DEAF1: variants seen among roughly 807,000 people sequenced by gnomAD.
DEAF1 encodes DEAF1 transcription factor.
DEAF1 carries 53 observed loss-of-function variants against 58.9 expected under a neutral mutation model. The observed-to-expected ratio is 0.90, with a 90% CI of 0.72 to 1.13. The LOEUF (loss-of-function observed/expected upper bound fraction) is 1.13, where lower values mean the gene tolerates loss of function less well. DEAF1 is among the 50% of genes most tolerant of loss of function. The pLI is 0.00. For missense variants in DEAF1, 685 were observed against 791.4 expected (o/e 0.87, Z 1.61); for synonymous variants, 385 against 340.4 (o/e 1.13, Z -1.44).
Position 674,631 on chromosome 11 carries a change from G to T in DEAF1, c.1408C>A (p.Leu470Met), listed in dbSNP as rs1423860960. ...VNSLLNTAQQ[L>M]KTLFEQAKHA... ...TTGGCTTGCTCAAACAGCGTCTTCA[G>T]CTGCTGCGCTGTGTTGAGCAAGGAG... The change falls in exon 10 of 12, where the codon CTG (leucine) becomes ATG (methionine). Residue 470 changes from leucine (L) to methionine (M), a missense_variant. Physicochemically the swap from Leu to Met is conservative, Grantham distance 15 (BLOSUM62 2). Coordinates refer to ENST00000382409, the MANE Select transcript of DEAF1 (RefSeq NM_021008.4). 1 of 1,614,052 alleles carries T rather than the reference G, an allele frequency of 6.2e-7. No homozygotes were observed. The highest frequency in any genetic ancestry group is 1.3e-5 in the African/African-American group (1 of 74,944).
intron 10 of DEAF1, among the ~76,000 whole-genome samples, chr11:660,165 C>T (rs1427212980): frequency 1.3e-5 from 2 of 152,160 alleles, no homozygotes; most frequent in Non-Finnish European, 2.9e-5. Context: ...GAGGAAGCAA[C>T]GGAAATAAGA....
chr11:686,727 C>G (rs1860609034), intron 5 of DEAF1, 131 bp downstream of exon 5: 2 of 1,245,236 alleles, frequency 1.6e-6, no homozygotes, highest in South Asian at 1.3e-5. Context: ...CAAGGCCACA[C>G]AGACAGCAGG....
intron 1 of DEAF1, chr11:704,448 C>T (rs1310763715): frequency 8.5e-6 from 11 of 1,289,170 alleles, no homozygotes; most frequent in African/African-American, 1.5e-5. Context: ...CCAGTGGCCA[C>T]GGTGAGCTGC....
chr11:694,208 C>T, intron 1 of DEAF1, among the ~76,000 whole-genome samples: 1 of 150,528 alleles, frequency 6.6e-6, no homozygotes, highest in East Asian at 1.9e-4. Context: ...GGCGGGGCTG[C>T]CACAAAGAAA....
At chr11:706,788 G>A (rs1369177974) in exon 1 of DEAF1, 2 of 152,746 alleles carry the variant, frequency 1.3e-5, no homozygotes, top group Non-Finnish European at 2.9e-5. Context: ...CAGTGGCCGG[G>A]AAGCACCAGC....
rs1182022709 is a variant in DEAF1 at position 654,142 on chromosome 11, C to T, written c.1504-91G>A. On this transcript the variant is annotated intron_variant, in intron 10 of 11. Coordinates refer to ENST00000382409, the MANE Select transcript of DEAF1 (RefSeq NM_021008.4). ...CAGAGGCAGGTGCAGGCAGGAGGCC[C>T]CAAGTTCCCCCCATTGGACCCCCTT... 5.3e-6 allele frequency: 5 copies of T among 944,732 alleles called. No individual in the cohort carries two copies. In the African/African-American group the frequency reaches 6.7e-5, roughly 13 times the overall value. 58.5% of individuals were successfully genotyped at this position (944,732 alleles called of 1,614,324 possible).
At chr11:693,986 C>A (rs1350694811) in intron 1 of DEAF1, among the ~76,000 whole-genome samples, 2 of 152,202 alleles carry the variant, frequency 1.3e-5, no homozygotes, top group Non-Finnish European at 2.9e-5. Context: ...CACCACACAG[C>A]CACGCTGACC....
At chr11:683,937 C>A (rs540070355) in intron 6 of DEAF1, among the ~76,000 whole-genome samples, 3 of 152,160 alleles carry the variant, frequency 2.0e-5, no homozygotes, top group East Asian at 1.9e-4. Flanking sequence ...CGTCTCCTCC[C>A]GGCTCCTTTA....
intron 10 of DEAF1, among the ~76,000 whole-genome samples, chr11:657,373 C>T (rs1004665917): frequency 6.6e-6 from 1 of 152,106 alleles, no homozygotes. Flanking sequence ...ACCCAGGAGC[C>T]GACGGCAGGA....
rs1858407114 is a variant in DEAF1, at chr11:644,842, T to A, written c.1594-188A>T. ...TGCTCCAATACAGCCTTCCCCACAC[T>A]CTCTTGGTTTGAGGAATTGGATCAA... On this transcript the variant is annotated intron_variant, in intron 11 of 11. Coordinates refer to ENST00000382409, the MANE Select transcript of DEAF1 (RefSeq NM_021008.4). The surrounding 1 kb of genome is among the most constrained non-coding windows in gnomAD (Gnocchi z 4.3). 6.6e-6 allele frequency among the ~76,000 whole-genome samples: 1 copy of A among 151,406 alleles called. No individual in the cohort carries two copies. Among genetic ancestry groups the A allele is most frequent in the Non-Finnish European group, 1.5e-5 (1 of 67,928 alleles).
chr11:703,123 G>C (rs780712996), intron 1 of DEAF1: 1 of 1,609,130 alleles, frequency 6.2e-7, no homozygotes, highest in East Asian at 2.2e-5. Context: ...TCCTGCAGGT[G>C]GTTGCCATCG....
chr11:703,914 T>A, intron 1 of DEAF1: 1 of 1,242,098 alleles, frequency 8.1e-7, no homozygotes, highest in Non-Finnish European at 1.0e-6. Context: ...TTTTGCCTTT[T>A]GCACGGAGTG....
intron 6 of DEAF1, 99 bp downstream of exon 6, chr11:684,799 G>T: frequency 9.9e-7 from 1 of 1,013,298 alleles, no homozygotes; most frequent in Non-Finnish European, 1.5e-6. Context: ...CAAGGCAGAG[G>T]GCAGGAGGGA....
intron 10 of DEAF1, among the ~76,000 whole-genome samples, chr11:662,351 G>A (rs1466455710): frequency 3.3e-5 from 5 of 152,200 alleles, no homozygotes; most frequent in Non-Finnish European, 7.3e-5. Flanking sequence ...TGTGGCCCAG[G>A]GAAGAGAAAA....
chr11:674,568 C>T lies in DEAF1; in HGVS notation c.1471G>A (p.Ala491Thr). ...STYREAATNQ[A>T]KIHADAERKE... Reference sequence around the variant, plus strand: ...CGCTCTGCGTCAGCGTGGATCTTGGCCTGGTTTGTGGCAGCTTCTCGGTAG... The same window carrying T: ...CGCTCTGCGTCAGCGTGGATCTTGGTCTGGTTTGTGGCAGCTTCTCGGTAG... The change falls in exon 10 of 12, where the codon GCC (alanine) becomes ACC (threonine). Residue 491 changes from alanine to threonine, a missense_variant. Physicochemically the swap from Ala to Thr is moderately conservative, Grantham distance 58. Around this residue, in one of 3 missense-constraint regions of DEAF1, gnomAD observed 343 missense variants for 379.8 expected, o/e 0.90. Transcript: ENST00000382409. 6.2e-7 allele frequency: 1 copy of T among 1,614,074 alleles called. No homozygotes were observed. Among genetic ancestry groups the T allele is most frequent in the Non-Finnish European group, 8.5e-7 (1 of 1,180,008 alleles).
upstream of DEAF1, chr11:700,103 C>G (rs904634647): frequency 2.5e-6 from 4 of 1,588,910 alleles, no homozygotes; most frequent in African/African-American, 2.7e-5. Context: ...AGGCTGCTCC[C>G]AAGCCTGTTG....
chr11:644,791 C>T lies in DEAF1; in HGVS notation c.1594-137G>A. ...GTGCTGAGAATGCCCTCCCCAGCCC[C>T]CGTGCGCCCAAACTCTGGTGGGCTC... On this transcript the variant is annotated intron_variant, in intron 11 of 11. Coordinates refer to ENST00000382409, the MANE Select transcript of DEAF1 (RefSeq NM_021008.4). The surrounding 1 kb of genome is among the most constrained non-coding windows in gnomAD (Gnocchi z 4.3). 1 of 715,878 alleles carries T rather than the reference C, an allele frequency of 1.4e-6. No homozygotes were observed. The highest frequency in any genetic ancestry group is 2.5e-6 in the Non-Finnish European group (1 of 400,802). 44.3% of individuals were successfully genotyped at this position (715,878 alleles called of 1,614,324 possible).
At position 644,716 on chromosome 11, in the gene DEAF1, T is replaced by A; in HGVS notation, c.1594-62A>T. On this transcript the variant is annotated intron_variant, in intron 11 of 11. Transcript: ENST00000382409. The surrounding 1 kb of genome is among the most constrained non-coding windows in gnomAD (Gnocchi z 4.3). Reference sequence around the variant, plus strand: ...TGGGTGGAGCAGGGTCTGGGCAGGGTCCCCAAGGCAGACCCCAGAGGGTGC... The same window carrying A: ...TGGGTGGAGCAGGGTCTGGGCAGGGACCCCAAGGCAGACCCCAGAGGGTGC... 7.3e-7 allele frequency: 1 copy of A among 1,362,226 alleles called. No homozygotes were observed. The highest frequency in any genetic ancestry group is 1.0e-6 in the Non-Finnish European group (1 of 981,536). 84.4% of individuals were successfully genotyped at this position (1,362,226 alleles called of 1,614,324 possible).
intron 1 of DEAF1, among the ~76,000 whole-genome samples, chr11:694,117 G>A (rs748419263): frequency 1.3e-5 from 2 of 152,140 alleles, no homozygotes; most frequent in African/African-American, 4.8e-5. Context: ...CCCACCCCAG[G>A]GCTTCTCCAG....
Sources: allele counts gnomAD v4.1 joint callset (sites outside exome capture counted in the v4.1 genomes callset), GRCh38; gene constraint gnomAD v4.1.1; regional missense constraint gnomAD v4.1.1; non-coding constraint Gnocchi (gnomAD v3.1); transcripts MANE v1.5; gene names NCBI Gene and HGNC (gene_info 2026-07-23, HGNC 2026-07-21).